ASPA: variants seen among roughly 807,000 people sequenced by gnomAD.
ASPA encodes aspartoacylase.
ASPA carries 25 observed loss-of-function variants against 29.6 expected under a neutral mutation model. The ratio of observed to expected loss-of-function variants is 0.85; its 90% CI spans 0.62 to 1.18. The LOEUF (loss-of-function observed/expected upper bound fraction) is 1.18, where lower values mean the gene tolerates loss of function less well. Ranked by LOEUF, ASPA falls within the 50% of genes most tolerant of loss-of-function variation. The pLI, the probability that ASPA is intolerant of heterozygous loss-of-function variation, is 0.00. For missense variants in ASPA, 333 were observed against 385.7 expected, an observed-to-expected ratio of 0.86 and a Z score of 1.14; for synonymous variants, 131 against 130.3, an observed-to-expected ratio of 1.01 and a Z score of -0.04.
chr17:3,493,423 T>A (rs1297854857), intron 4 of ASPA, among the ~76,000 whole-genome samples: 1 of 151,066 alleles, frequency 6.6e-6, no homozygotes, highest in Non-Finnish European at 1.5e-5. Flanking sequence ...TAGCCGGGCG[T>A]GGTGGTGCAT....
chr17:3,488,348 G>GT lies in ASPA; in HGVS notation c.527-881dup, dbSNP rs1189618382. Among the ~76,000 whole-genome samples, 1 of 152,138 alleles carries GT rather than the reference G, an allele frequency of 6.6e-6. No homozygotes were observed. Among genetic ancestry groups the GT allele is most frequent in the Non-Finnish European group, 1.5e-5 (1 of 68,022 alleles). ...TATGAGTTAGAAGAAATGAACACAA[G>GT]TTTTTTCCTGCATAAAATTAAAACC... On this transcript the variant is annotated intron_variant, in intron 3 of 5. Transcript: ENST00000263080. This position sits in a 1 kb window ranked among gnomAD's most constrained non-coding sequence, Gnocchi z 6.1.
At position 3,503,091 on chromosome 17, in the gene ASPA, C is replaced by G. The variant is rs932264156; in HGVS notation, c.*4003C>G. ...GCCCCACCAGGGCCCTCCCCGCCAT[C>G]CTCTTAGGCCACAGCAGCCAATAAA... On this transcript the variant is annotated 3_prime_UTR_variant, in exon 6 of 6. Coordinates refer to ENST00000263080, the MANE Select transcript of ASPA (RefSeq NM_000049.4). 1.3e-5 allele frequency: 2 copies of G among 152,216 alleles called. No individual in the cohort carries two copies. Among genetic ancestry groups the G allele is most frequent in the African/African-American group, 4.8e-5 (2 of 41,450 alleles). The allele number at this position is 152,216 out of a possible 1,614,324, so 9.4% of individuals were successfully genotyped here. A position where few individuals can be genotyped will look rare whatever the true frequency, so the allele number is the denominator to read the frequency against.
At chr17:3,479,094 G>T (rs1264401390) in intron 1 of ASPA, among the ~76,000 whole-genome samples, 2 of 152,096 alleles carry the variant, frequency 1.3e-5, no homozygotes, top group Non-Finnish European at 2.9e-5. Flanking sequence ...ATCTTATCAT[G>T]TCTCTCCCCT....
chr17:3,476,649 G>T (rs2073528376), intron 1 of ASPA, among the ~76,000 whole-genome samples: 1 of 152,122 alleles, frequency 6.6e-6, no homozygotes, highest in African/African-American at 2.4e-5. Flanking sequence ...AATGTATACA[G>T]ACTGAGACAA....
At chr17:3,496,725 C>T (rs960836570) in intron 5 of ASPA, among the ~76,000 whole-genome samples, 3 of 152,192 alleles carry the variant, frequency 2.0e-5, no homozygotes, top group African/African-American at 7.2e-5. Flanking sequence ...ACTAAAGTAG[C>T]GCTTCTCAAA....
Position 3,481,737 on chromosome 17 carries a change from G to T in ASPA, c.371G>T (p.Cys124Phe). 1 of 1,613,542 alleles carries T rather than the reference G, an allele frequency of 6.2e-7. No individual in the cohort carries two copies. The highest frequency in any genetic ancestry group is 8.5e-7 in the Non-Finnish European group (1 of 1,179,722). Residue 124 changes from cysteine to phenylalanine, a missense_variant, in exon 2 of 6, where the codon TGC (cysteine) becomes TTC (phenylalanine). Transcript: ENST00000263080. ...CACAACACCACCTCTAACATGGGGT[G>T]CACTCTTATTCTTGAGGATTCCAGG... ...DLHNTTSNMG[C>F]TLILEDSRNN...
upstream of ASPA, among the ~76,000 whole-genome samples, chr17:3,474,671 G>A (rs2073495917): frequency 6.6e-6 from 1 of 152,132 alleles, no homozygotes; most frequent in African/African-American, 2.4e-5. Flanking sequence ...AGCTCTTAAA[G>A]GAAGAACATT....
intron 5 of ASPA, among the ~76,000 whole-genome samples, chr17:3,497,012 G>A (rs2073920640): frequency 6.6e-6 from 1 of 152,222 alleles, no homozygotes; most frequent in Non-Finnish European, 1.5e-5. Context: ...GTTGCAGTGA[G>A]CTGAGATTGT....
intron 4 of ASPA, among the ~76,000 whole-genome samples, chr17:3,489,765 GTGAACATATAA>G (rs2073791331): frequency 6.6e-6 from 1 of 152,178 alleles, no homozygotes; most frequent in Admixed American, 6.6e-5. Flanking sequence ...GAACATATAA[GTGAACATATAA>G]GTTGGTAAAG....
At chr17:3,497,666 C>G (rs76536053) in intron 5 of ASPA, among the ~76,000 whole-genome samples, 1 of 152,152 alleles carries the variant, frequency 6.6e-6, no homozygotes, top group Admixed American at 6.5e-5. Context: ...ATGGAGAAAA[C>G]TGCGGTGATG....
At chr17:3,475,339 A>G (rs893928148), upstream of ASPA, 1 of 152,366 alleles carries the variant, frequency 6.6e-6, no homozygotes, top group Non-Finnish European at 1.5e-5. Flanking sequence ...TGGTTAGCAC[A>G]TGCAGTGTGT....
chr17:3,480,654 A>G (rs1430586934), intron 1 of ASPA, among the ~76,000 whole-genome samples: 7 of 152,220 alleles, frequency 4.6e-5, no homozygotes, highest in Non-Finnish European at 1.0e-4. Context: ...TGACTCCTAA[A>G]CCATAATTTC....
intron 1 of ASPA, among the ~76,000 whole-genome samples, chr17:3,479,487 T>A (rs2073590351): frequency 6.6e-6 from 1 of 152,180 alleles, no homozygotes; most frequent in Admixed American, 6.5e-5. Context: ...AAATAATAAG[T>A]CCAGAAGTAG....
At chr17:3,474,138 T>C (rs1476573675), upstream of ASPA, 1 of 152,188 alleles carries the variant, frequency 6.6e-6, no homozygotes, top group African/African-American at 2.4e-5. Flanking sequence ...CTAATAAAGC[T>C]TTCCACAGAA....
chr17:3,495,312 A>G (rs1303406098), intron 5 of ASPA, among the ~76,000 whole-genome samples: 2 of 152,148 alleles, frequency 1.3e-5, no homozygotes, highest in African/African-American at 4.8e-5. Context: ...AAAAAACATC[A>G]TAATAGCAAT....
At chr17:3,492,652 G>A (rs1226009606) in intron 4 of ASPA, among the ~76,000 whole-genome samples, 3 of 152,100 alleles carry the variant, frequency 2.0e-5, no homozygotes, top group Non-Finnish European at 4.4e-5. Flanking sequence ...AACCCTGTAC[G>A]TGTACCATTA....
chr17:3,484,693 T>G (rs2318036), intron 3 of ASPA, among the ~76,000 whole-genome samples: 98,740 of 152,138 alleles, frequency 0.65, 33,479 homozygotes, highest in Non-Finnish European at 0.76. Flanking sequence ...CTTGAATATT[T>G]TAGCAATGTC....
intron 4 of ASPA, among the ~76,000 whole-genome samples, chr17:3,493,305 G>A (rs1373531281): frequency 1.3e-5 from 2 of 152,184 alleles, no homozygotes; most frequent in African/African-American, 2.4e-5. Context: ...GCTCACGCCT[G>A]TAATCCCAGC....
chr17:3,482,303 G>C (rs145607908), intron 2 of ASPA, among the ~76,000 whole-genome samples: 1 of 151,974 alleles, frequency 6.6e-6, no homozygotes, highest in South Asian at 2.1e-4. Context: ...TCCTGCCCTC[G>C]TCCCCATTTG....
Sources: gnomAD v4.1 joint callset for allele counts (sites outside exome capture counted in the v4.1 genomes callset) on GRCh38, gnomAD v4.1.1 for gene constraint, Gnocchi (gnomAD v3.1) non-coding constraint, MANE v1.5 for transcripts, NCBI Gene and HGNC (gene_info 2026-07-23, HGNC 2026-07-21) for gene names.